The following RGL1 variants were observed in gnomAD, a reference collection of about 807,000 sequenced individuals.
RGL1 encodes ral guanine nucleotide dissociation stimulator like 1.
Under a neutral mutation model 95.2 loss-of-function variants are expected in RGL1, and 24 were observed. The observed-to-expected ratio is 0.25, with a 90% CI of 0.18 to 0.35. The LOEUF (loss-of-function observed/expected upper bound fraction) is 0.35. Among genes scored for constraint, RGL1 ranks in the 10% least tolerant of loss-of-function variants. RGL1 has a pLI of 1.00. For missense variants in RGL1, 715 were observed against 936.3 expected, an observed-to-expected ratio of 0.76 and a Z score of 3.08; for synonymous variants, 329 against 344.9, an observed-to-expected ratio of 0.95 and a Z score of 0.51.
intron 1 of RGL1, among the ~76,000 whole-genome samples, chr1:183,690,530 G>A (rs1416744505): frequency 6.6e-6 from 1 of 152,150 alleles, no homozygotes; most frequent in African/African-American, 2.4e-5. Flanking sequence ...CCCTGAAAGT[G>A]TATCACTAAC....
chr1:183,792,939 A>G (rs1398769783), intron 2 of RGL1, among the ~76,000 whole-genome samples: 2 of 152,194 alleles, frequency 1.3e-5, no homozygotes, highest in Non-Finnish European at 2.9e-5. Context: ...CAAGAAATAG[A>G]AAAAACAGTC....
At chr1:183,830,448 T>C (rs1663182576) in intron 2 of RGL1, among the ~76,000 whole-genome samples, 2 of 152,234 alleles carry the variant, frequency 1.3e-5, no homozygotes, top group African/African-American at 2.4e-5. Context: ...TTTATACTTA[T>C]ATCACATAGC....
intron 1 of RGL1, among the ~76,000 whole-genome samples, chr1:183,726,378 C>T (rs1656313751): frequency 6.6e-6 from 1 of 151,566 alleles, no homozygotes; most frequent in South Asian, 2.1e-4. Flanking sequence ...AAACTGCTGG[C>T]TATATTGATC....
At chr1:183,868,622 T>G (rs946298258) in intron 4 of RGL1, among the ~76,000 whole-genome samples, 5 of 152,228 alleles carry the variant, frequency 3.3e-5, no homozygotes, top group African/African-American at 1.2e-4. Flanking sequence ...AGATAATGAT[T>G]TTTTTAGAAG....
chr1:183,661,729 T>A (rs12026080), intron 1 of RGL1, among the ~76,000 whole-genome samples: 1 of 145,914 alleles, frequency 6.9e-6, no homozygotes, highest in East Asian at 2.0e-4. Flanking sequence ...CATCCTGATA[T>A]CAAAGCCGGG....
chr1:183,848,532 T>C (rs568612727), intron 3 of RGL1, among the ~76,000 whole-genome samples: 26 of 152,290 alleles, frequency 1.7e-4, no homozygotes, highest in Non-Finnish European at 2.8e-4. Context: ...AGGAAGGAAA[T>C]GAGATACGGC....
At position 183,788,927 on chromosome 1, in the gene RGL1, C is replaced by T. The variant is rs543280452; in HGVS notation, c.133-17448C>T. On this transcript the variant is annotated intron_variant, in intron 2 of 18. Coordinates refer to the RGL1 transcript ENST00000304685. ...TAGATTGCTCTCTTCCCCTACCCAC[C>T]CCTTCCACTACAACTTCTGATTAAT... Among the ~76,000 whole-genome samples, 4 of 152,320 alleles carry T rather than the reference C, an allele frequency of 2.6e-5. No individual in the cohort carries two copies. In the East Asian group the frequency reaches 5.8e-4, roughly 22 times the overall value.
chr1:183,898,388 C>T (rs565974848), intron 10 of RGL1, among the ~76,000 whole-genome samples: 133 of 152,242 alleles, frequency 8.7e-4, no homozygotes, highest in Non-Finnish European at 1.5e-3. Flanking sequence ...CTTACTAATC[C>T]CAAGGCTAAC....
At chr1:183,784,911 C>T (rs1052320845) in intron 2 of RGL1, among the ~76,000 whole-genome samples, 2 of 152,198 alleles carry the variant, frequency 1.3e-5, no homozygotes. Context: ...TGCAGGCCCC[C>T]TTCTAATACT....
chr1:183,662,046 T>C (rs1039533334), intron 1 of RGL1, among the ~76,000 whole-genome samples: 1 of 149,800 alleles, frequency 6.7e-6, no homozygotes, highest in Non-Finnish European at 1.5e-5. Flanking sequence ...AATTAGGTAT[T>C]GATGGGACAT....
At position 183,685,868 on chromosome 1, in the gene RGL1, A is replaced by G. The variant is rs115161006; in HGVS notation, c.-33+49367A>G. ...TGGAAAAAATAATGTTTACCTATTC[A>G]TTAGTTCCAAGTCTGTGATAGTTAA... On this transcript the variant is annotated intron_variant, in intron 1 of 18. Transcript: ENST00000304685. Among the ~76,000 whole-genome samples, 1,260 of 152,342 alleles carry G rather than the reference A, an allele frequency of 8.3e-3. 7 individuals are homozygous for G. The highest frequency in any genetic ancestry group is 0.011 in the Non-Finnish European group (780 of 68,018).
At chr1:183,643,913 C>T (rs1328371410) in intron 1 of RGL1, among the ~76,000 whole-genome samples, 1 of 152,144 alleles carries the variant, frequency 6.6e-6, no homozygotes, top group East Asian at 1.9e-4. Flanking sequence ...AAGTCAGGGA[C>T]ACCTAAGATA....
At chr1:183,914,692 T>C (rs1668858054) in intron 15 of RGL1, among the ~76,000 whole-genome samples, 1 of 152,222 alleles carries the variant, frequency 6.6e-6, no homozygotes, top group Admixed American at 6.5e-5. Flanking sequence ...TTGCACTTGC[T>C]CCTCACTTCT....
chr1:183,926,192 T>C lies in RGL1; in HGVS notation c.2207T>C (p.Met736Thr), dbSNP rs377099855. The change falls in exon 18 of 18, where the codon ATG becomes ACG. Residue 736 changes from methionine to threonine, a missense_variant. Transcript: ENST00000360851. ...FDFILRKKNS[M>T]EEQVKLRSRT... Reference sequence around the variant, plus strand: ...TTCATTTTGCGCAAAAAGAACTCCATGGAAGAACAAGTGAAACTGCGTAGC... The same window carrying C: ...TTCATTTTGCGCAAAAAGAACTCCACGGAAGAACAAGTGAAACTGCGTAGC... The C allele has an allele frequency of 4.0e-5, 65 of 1,614,110 alleles. No individual in the cohort carries two copies. Among genetic ancestry groups the C allele is most frequent in the Non-Finnish European group, 5.3e-5 (62 of 1,179,994 alleles).
At chr1:183,678,181 G>A (rs12066802) in intron 1 of RGL1, among the ~76,000 whole-genome samples, 12,327 of 152,026 alleles carry the variant, frequency 0.081, 917 homozygotes, top group African/African-American at 0.2. Flanking sequence ...TTCCTCATAC[G>A]AATGAAAGAA....
chr1:183,885,039 A>G (rs893634547), intron 7 of RGL1, 101 bp downstream of exon 7: 3 of 1,013,228 alleles, frequency 3.0e-6, no homozygotes, highest in Non-Finnish European at 4.3e-6. Context: ...AAAGGCAGTC[A>G]AAAGACCATA....
chr1:183,845,672 G>A (rs1664373084), intron 2 of RGL1, among the ~76,000 whole-genome samples: 1 of 152,136 alleles, frequency 6.6e-6, no homozygotes, highest in Non-Finnish European at 1.5e-5. Flanking sequence ...CAGCTCTGTT[G>A]ATTGCTGATG....
In RGL1 at chr1:183,866,015, C is replaced by T. The variant is rs1356016757; in HGVS notation, c.367C>T (p.Pro123Ser). ...CTACAGGTATGGAAACCTGACAAGC[C>T]CAAACTGTGAAGAAGATGGAAGCCA... ...LLDRYGNLTS[P>S]NCEEDGSQSS... The change falls in exon 4 of 18, where the codon CCA becomes TCA. Residue 123 changes from proline to serine, a missense_variant. Pro to Ser is a moderately conservative substitution (Grantham distance 74, BLOSUM62 -1). Around this residue, in one of 3 missense-constraint regions of RGL1, gnomAD observed 381 missense variants for 484.8 expected, o/e 0.79. Coordinates refer to ENST00000360851, the MANE Select transcript of RGL1 (RefSeq NM_001297671.3). 6.2e-7 allele frequency: 1 copy of T among 1,613,646 alleles called. No individual in the cohort carries two copies. The highest frequency in any genetic ancestry group is 2.2e-5 in the East Asian group (1 of 44,846).
chr1:183,662,808 A>C (rs971443745), intron 1 of RGL1, among the ~76,000 whole-genome samples: 14 of 152,230 alleles, frequency 9.2e-5, no homozygotes, highest in African/African-American at 3.4e-4. Flanking sequence ...CTGAGTTCAA[A>C]CTATACTACA....
Sources: gnomAD v4.1 joint callset for allele counts (sites outside exome capture counted in the v4.1 genomes callset) on GRCh38, gnomAD v4.1.1 for gene constraint, gnomAD v4.1.1 regional missense constraint, MANE v1.5 for transcripts, NCBI Gene and HGNC (gene_info 2026-07-23, HGNC 2026-07-21) for gene names.